The following ADAMTSL1 variants were observed in gnomAD, a reference collection of about 807,000 sequenced individuals.
ADAMTSL1 encodes ADAMTS-like protein 1.
In ADAMTSL1, 126 loss-of-function variants were observed where a neutral mutation model predicts 201.8. The ratio of observed to expected loss-of-function variants is 0.62; its 90% CI spans 0.54 to 0.72. The LOEUF (loss-of-function observed/expected upper bound fraction) is 0.72. ADAMTSL1 is among the 30% of genes least tolerant of loss of function. The pLI is 0.00. For missense variants in ADAMTSL1, 2,679 were observed against 2,277.8 expected, an observed-to-expected ratio of 1.18 and a Z score of -3.59; for synonymous variants, 1,121 against 903.4, an observed-to-expected ratio of 1.24 and a Z score of -4.32.
chr9:17,930,077 G>A (rs1385986992), intron 1 of ADAMTSL1, among the ~76,000 whole-genome samples: 1 of 152,224 alleles, frequency 6.6e-6, no homozygotes, highest in Admixed American at 6.5e-5. Flanking sequence ...ACCTATGTTC[G>A]TATGTTATTT....
intron 23 of ADAMTSL1, among the ~76,000 whole-genome samples, chr9:18,863,030 AGCCT>A (rs1250894845): frequency 6.6e-6 from 1 of 152,168 alleles, no homozygotes; most frequent in Non-Finnish European, 1.5e-5. Flanking sequence ...AATTTCCTAG[AGCCT>A]GCCTGCCTGC....
At chr9:17,946,945 A>G (rs1827512574) in intron 1 of ADAMTSL1, among the ~76,000 whole-genome samples, 1 of 152,104 alleles carries the variant, frequency 6.6e-6, no homozygotes, top group South Asian at 2.1e-4. Flanking sequence ...AAAACAGATC[A>G]ATACCATTAT....
At chr9:18,871,683 AC>A (rs1335605453) in intron 23 of ADAMTSL1, among the ~76,000 whole-genome samples, 1 of 152,110 alleles carries the variant, frequency 6.6e-6, no homozygotes, top group Non-Finnish European at 1.5e-5. Flanking sequence ...TTACTGACTT[AC>A]CTATTTCTGT....
At chr9:18,569,687 C>T (rs1188761324) in intron 3 of ADAMTSL1, among the ~76,000 whole-genome samples, 1 of 152,160 alleles carries the variant, frequency 6.6e-6, no homozygotes, top group African/African-American at 2.4e-5. Context: ...GCATTTGGTC[C>T]ATATAACTAC....
chr9:18,634,873 A>ATT (rs34442889), intron 5 of ADAMTSL1, among the ~76,000 whole-genome samples: 6 of 142,228 alleles, frequency 4.2e-5, no homozygotes, highest in Admixed American at 2.8e-4. Flanking sequence ...ATATATATAT[A>ATT]TTTATATATA....
At position 18,749,638 on chromosome 9, in the gene ADAMTSL1, A is replaced by G. The variant is rs183120293; in HGVS notation, c.2007-3660A>G. ...CTCTCTCAGAAACAGCCAAAGGCAC[A>G]GAACGCACGGAATAGGGCATCAGCC... is the stretch of plus-strand genomic sequence containing the variant. On this transcript the variant is annotated intron_variant, in intron 15 of 28. Transcript: ENST00000380548. Among the ~76,000 whole-genome samples, 203 of 152,338 alleles carry G rather than the reference A, an allele frequency of 1.3e-3. 3 individuals are homozygous for G. Among genetic ancestry groups the G allele is most frequent in the Non-Finnish European group, 1.9e-4 (13 of 68,026 alleles).
chr9:18,813,179 A>G (rs1450675330), intron 20 of ADAMTSL1, among the ~76,000 whole-genome samples: 1 of 152,014 alleles, frequency 6.6e-6, no homozygotes, highest in African/African-American at 2.4e-5. Flanking sequence ...GTTGGCCACA[A>G]TGGTCTCAGT....
intron 21 of ADAMTSL1, among the ~76,000 whole-genome samples, chr9:18,823,084 C>T (rs1426296031): frequency 6.6e-6 from 1 of 152,208 alleles, no homozygotes; most frequent in Non-Finnish European, 1.5e-5. Context: ...TTAGTAATAT[C>T]ATTCTCCACC....
chr9:18,036,054 G>A (rs1365652839), intron 1 of ADAMTSL1, among the ~76,000 whole-genome samples: 1 of 152,110 alleles, frequency 6.6e-6, no homozygotes, highest in Non-Finnish European at 1.5e-5. Context: ...CTACACAAGG[G>A]ATCTCATGTA....
At chr9:18,536,121 T>A (rs992501698) in intron 3 of ADAMTSL1, among the ~76,000 whole-genome samples, 3 of 152,172 alleles carry the variant, frequency 2.0e-5, no homozygotes, top group African/African-American at 7.2e-5. Flanking sequence ...AGAAGCAGCA[T>A]TGCGAAAAAA....
intron 15 of ADAMTSL1, among the ~76,000 whole-genome samples, chr9:18,748,933 T>C (rs1220482751): frequency 6.6e-6 from 1 of 152,202 alleles, no homozygotes; most frequent in Admixed American, 6.5e-5. Context: ...AGTCCTTCCT[T>C]GCTTCCTCTA....
chr9:17,939,519 C>T (rs142433433), intron 1 of ADAMTSL1, among the ~76,000 whole-genome samples: 3 of 152,098 alleles, frequency 2.0e-5, no homozygotes, highest in African/African-American at 7.2e-5. Flanking sequence ...ATAATGTATA[C>T]TTGGTTGGTA....
intron 23 of ADAMTSL1, among the ~76,000 whole-genome samples, chr9:18,880,385 A>AGACTT (rs1472690487): frequency 6.6e-6 from 1 of 152,230 alleles, no homozygotes; most frequent in East Asian, 1.9e-4. Flanking sequence ...TTAAAGAGTA[A>AGACTT]GACTTGAAAG....
chr9:18,356,976 T>C (rs1226055098), intron 2 of ADAMTSL1, among the ~76,000 whole-genome samples: 1 of 152,166 alleles, frequency 6.6e-6, no homozygotes, highest in African/African-American at 2.4e-5. Context: ...AATTTCTTAG[T>C]AATGTGTACA....
At chr9:18,475,701 G>A (rs1403237200) in intron 1 of ADAMTSL1, among the ~76,000 whole-genome samples, 1 of 152,044 alleles carries the variant, frequency 6.6e-6, no homozygotes, top group Non-Finnish European at 1.5e-5. Flanking sequence ...TTCCATATGG[G>A]ATGTGTTACT....
intron 1 of ADAMTSL1, among the ~76,000 whole-genome samples, chr9:17,915,222 C>G (rs574330532): frequency 2.0e-5 from 3 of 152,152 alleles, no homozygotes; most frequent in Non-Finnish European, 4.4e-5. Context: ...ATAATGATCA[C>G]CAGACAAACA....
intron 1 of ADAMTSL1, among the ~76,000 whole-genome samples, chr9:18,137,045 A>T (rs983677554): frequency 6.6e-6 from 1 of 152,080 alleles, no homozygotes; most frequent in Non-Finnish European, 1.5e-5. Context: ...TTGAGAGATT[A>T]TCAGCAGAAA....
At chr9:18,707,221 T>A (rs1321290437) in intron 14 of ADAMTSL1, among the ~76,000 whole-genome samples, 173 bp downstream of exon 14, 1 of 152,238 alleles carries the variant, frequency 6.6e-6, no homozygotes, top group African/African-American at 2.4e-5. Context: ...TGTATTTGTC[T>A]CTTGGCTCCA....
At chr9:17,960,160 G>A (rs1477837206) in intron 1 of ADAMTSL1, among the ~76,000 whole-genome samples, 1 of 152,110 alleles carries the variant, frequency 6.6e-6, no homozygotes, top group East Asian at 1.9e-4. Flanking sequence ...CCAGATGGCT[G>A]CTCTAGCTCA....
Sources: allele counts gnomAD v4.1 joint callset (sites outside exome capture counted in the v4.1 genomes callset), GRCh38; gene constraint gnomAD v4.1.1; transcripts MANE v1.5; gene names NCBI Gene and HGNC (gene_info 2026-07-23, HGNC 2026-07-21).